AOPEP: variants seen among roughly 807,000 people sequenced by gnomAD.
The protein encoded by AOPEP is aminopeptidase O (putative), also known as aminopeptidase O.
Under a neutral mutation model 98.1 loss-of-function variants are expected in AOPEP, and 77 were observed. The observed-to-expected ratio is 0.78, with a 90% CI of 0.65 to 0.95. The LOEUF is 0.95. Ranked by LOEUF, AOPEP falls within the 40% of genes least tolerant of loss-of-function variation. The probability of loss-of-function intolerance (pLI) is 0.00; values close to 1 mark genes in which losing one functional copy is unlikely to be tolerated. For synonymous variants in AOPEP, 346 were observed against 365.3 expected, an observed-to-expected ratio of 0.95 and a Z score of 0.60; for missense variants, 1,024 against 1,024.7, an observed-to-expected ratio of 1.00 and a Z score of 0.01.
chr9:94,830,203 C>T (rs1295297982), intron 5 of AOPEP, among the ~76,000 whole-genome samples: 2 of 152,174 alleles, frequency 1.3e-5, no homozygotes, highest in African/African-American at 2.4e-5. Flanking sequence ...CCCTGCTCCC[C>T]GTGACAGACT....
intron 5 of AOPEP, among the ~76,000 whole-genome samples, chr9:94,820,831 A>C (rs1218889160): frequency 1.3e-5 from 2 of 152,246 alleles, no homozygotes; most frequent in South Asian, 4.1e-4. Flanking sequence ...AGAAACCTAC[A>C]TGCCATAGCA....
intron 5 of AOPEP, among the ~76,000 whole-genome samples, chr9:94,858,134 C>T (rs2044466834): frequency 6.6e-6 from 1 of 151,230 alleles, no homozygotes; most frequent in Admixed American, 6.6e-5. Context: ...ATTGTTACAT[C>T]GTTTTGTCTT....
chr9:94,781,657 T>G (rs1843275044), intron 3 of AOPEP, among the ~76,000 whole-genome samples: 1 of 151,168 alleles, frequency 6.6e-6, no homozygotes, highest in Non-Finnish European at 1.5e-5. Context: ...GCCTCCCAGG[T>G]TTACGCCATT....
At chr9:94,890,649 T>C (rs1198258876) in intron 5 of AOPEP, among the ~76,000 whole-genome samples, 1 of 152,232 alleles carries the variant, frequency 6.6e-6, no homozygotes, top group Non-Finnish European at 1.5e-5. Context: ...CACATTGCTT[T>C]AGCTGCATCC....
the AOPEP span, chr9:95,135,637 T>C: frequency 1.4e-6 from 1 of 718,530 alleles, no homozygotes. Flanking sequence ...GCTAATAATT[T>C]ATAGAATCAG....
chr9:95,017,528 G>A (rs2063111153), intron 13 of AOPEP, among the ~76,000 whole-genome samples: 1 of 152,212 alleles, frequency 6.6e-6, no homozygotes, highest in South Asian at 2.1e-4. Flanking sequence ...ATGTCGTTAT[G>A]CAGCGTGTGG....
At chr9:94,885,003 C>T (rs1443958021) in intron 5 of AOPEP, among the ~76,000 whole-genome samples, 35 of 99,058 alleles carry the variant, frequency 3.5e-4, no homozygotes, top group African/African-American at 1.3e-3. Flanking sequence ...AGCGAGACTC[C>T]GTCTCAAAAA....
chr9:95,004,819 G>A (rs949459255), intron 11 of AOPEP, among the ~76,000 whole-genome samples: 2 of 147,216 alleles, frequency 1.4e-5, no homozygotes, highest in Admixed American at 6.7e-5. Context: ...CCGGGAGCGG[G>A]AGCACGCCGT....
the AOPEP span, among the ~76,000 whole-genome samples, chr9:95,116,686 G>A: frequency 4.1e-3 from 622 of 152,256 alleles, 3 homozygotes; most frequent in African/African-American, 0.014. Context: ...CTCTATTTCC[G>A]AAATGTCTCC....
chr9:94,966,437 A>G (rs530135923), intron 9 of AOPEP, among the ~76,000 whole-genome samples: 1 of 152,314 alleles, frequency 6.6e-6, no homozygotes, highest in Admixed American at 6.5e-5. Context: ...ACTTGGTTCT[A>G]TTGGGAGGGC....
At chr9:95,041,446 G>GGTGTGTGTGTGT (rs57837059) in intron 13 of AOPEP, among the ~76,000 whole-genome samples, 132 of 142,098 alleles carry the variant, frequency 9.3e-4, no homozygotes, top group African/African-American at 3.0e-3. Context: ...AGTCCTTGGG[G>GGTGTGTGTGTGT]GTGTGTGTGT....
intron 5 of AOPEP, among the ~76,000 whole-genome samples, chr9:94,856,641 TAAAAAAAAAA>T (rs35234682): frequency 7.8e-6 from 1 of 128,580 alleles, no homozygotes; most frequent in Non-Finnish European, 1.6e-5. Context: ...AACTCCGTCT[TAAAAAAAAAA>T]AAAAAAAAAA....
At chr9:94,848,923 T>A (rs1253972664) in intron 5 of AOPEP, among the ~76,000 whole-genome samples, 1 of 152,128 alleles carries the variant, frequency 6.6e-6, no homozygotes, top group Non-Finnish European at 1.5e-5. Context: ...ATTACAGGCA[T>A]GCATCACCAC....
At chr9:94,960,617 T>C (rs1385179454) in intron 9 of AOPEP, among the ~76,000 whole-genome samples, 1 of 152,236 alleles carries the variant, frequency 6.6e-6, no homozygotes, top group African/African-American at 2.4e-5. Flanking sequence ...CCTTTTTTCA[T>C]GAATATTTTA....
intron 1 of AOPEP, among the ~76,000 whole-genome samples, chr9:94,752,359 TCACACACACA>T (rs58626205): frequency 2.1e-5 from 3 of 140,816 alleles, no homozygotes; most frequent in Non-Finnish European, 3.0e-5. Flanking sequence ...TCTCTCTCTC[TCACACACACA>T]CACACACACA....
the AOPEP span, among the ~76,000 whole-genome samples, chr9:95,146,520 C>T: frequency 3.8e-5 from 4 of 106,106 alleles, no homozygotes; most frequent in Admixed American, 2.8e-4. Flanking sequence ...AAATTGAAAA[C>T]GTAAATAGTA....
intron 7 of AOPEP, among the ~76,000 whole-genome samples, chr9:94,943,533 G>A (rs984318071): frequency 1.3e-5 from 2 of 151,680 alleles, no homozygotes; most frequent in Admixed American, 6.6e-5. Flanking sequence ...GATGGAGGTT[G>A]CAGTGAGCTG....
intron 7 of AOPEP, among the ~76,000 whole-genome samples, chr9:94,953,476 ATATTT>A (rs1448778301): frequency 6.6e-6 from 1 of 152,170 alleles, no homozygotes; most frequent in African/African-American, 2.4e-5. Context: ...CTAAAATGGA[ATATTT>A]TATTAAGTTT....
chr9:94,737,934 C>T (rs992320638), intron 1 of AOPEP, among the ~76,000 whole-genome samples: 3 of 152,082 alleles, frequency 2.0e-5, no homozygotes, highest in Non-Finnish European at 2.9e-5. Flanking sequence ...GACTGGGGTT[C>T]GGGCAGTAGA....
Sources: gnomAD v4.1 joint callset for allele counts (sites outside exome capture counted in the v4.1 genomes callset) on GRCh38, gnomAD v4.1.1 for gene constraint, MANE v1.5 for transcripts, NCBI Gene and HGNC (gene_info 2026-07-23, HGNC 2026-07-21) for gene names.